Variants in STK24 observed in about 807,000 individuals in gnomAD.
STK24 encodes the protein serine/threonine kinase 24.
STK24 carries 21 observed loss-of-function variants against 55.6 expected under a neutral mutation model. The ratio of observed to expected loss-of-function variants is 0.38; its 90% CI spans 0.27 to 0.54. The LOEUF (loss-of-function observed/expected upper bound fraction) is 0.54. STK24 is among the 20% of genes least tolerant of loss of function. STK24 has a pLI of 0.79. For missense variants in STK24, 383 were observed against 538.4 expected, an observed-to-expected ratio of 0.71 and a Z score of 2.86; for synonymous variants, 200 against 215.2, an observed-to-expected ratio of 0.93 and a Z score of 0.62.
chr13:98,533,969 C>T lies in STK24; in HGVS notation c.43-14496G>A, dbSNP rs558224151. ...ACTCTCCTGGAGTCACACTCCTTCTCAGCACAAGTTAAACAAAGGCTCTGA... is the reference window on the plus strand; with the variant it reads ...ACTCTCCTGGAGTCACACTCCTTCTTAGCACAAGTTAAACAAAGGCTCTGA... On this transcript the variant is annotated intron_variant, in intron 1 of 10. Coordinates refer to ENST00000539966, the MANE Select transcript of STK24 (RefSeq NM_001032296.4). Among the ~76,000 whole-genome samples, 15 of 152,368 alleles carry T rather than the reference C, an allele frequency of 9.8e-5. 1 individual carries two copies. The highest frequency in any genetic ancestry group is 3.4e-4 in the African/African-American group (14 of 41,592).
In STK24 at chr13:98,500,538, T is replaced by A. The variant is rs150722495; in HGVS notation, c.274-18217A>T. Reference sequence around the variant, plus strand: ...CCTGCTAAACCTGATGCGTCCAAACTCATGAGACCAGGTGGCACCTACTAA... The same window carrying A: ...CCTGCTAAACCTGATGCGTCCAAACACATGAGACCAGGTGGCACCTACTAA... On this transcript the variant is annotated intron_variant, in intron 2 of 10. Transcript: ENST00000539966. 3.0e-3 allele frequency among the ~76,000 whole-genome samples: 460 copies of A among 152,180 alleles called. 2 individuals carry two copies. Among genetic ancestry groups the A allele is most frequent in the African/African-American group, 0.01 (424 of 41,474 alleles).
In STK24 at chr13:98,576,669, A is replaced by G. The variant is rs957596015; in HGVS notation, c.42+76T>C. The G allele has an allele frequency of 3.5e-5, 45 of 1,274,822 alleles. No homozygotes were observed. In the African/African-American group the frequency reaches 5.4e-4, roughly 15 times the overall value. 79.0% of individuals were successfully genotyped at this position (1,274,822 alleles called of 1,614,324 possible). A position where few individuals can be genotyped will look rare whatever the true frequency, so the allele number is the denominator to read the frequency against. ...ACCCCGGCCGGCTGAGCGTAGGGGG[A>G]CGCCGTGTGGATACCGCCAAGTTGC... On this transcript the variant is annotated intron_variant, in intron 1 of 10. Coordinates refer to ENST00000539966, the MANE Select transcript of STK24 (RefSeq NM_001032296.4).
At chr13:98,537,346 T>C (rs1341672330) in intron 1 of STK24, among the ~76,000 whole-genome samples, 2 of 152,200 alleles carry the variant, frequency 1.3e-5, no homozygotes, top group Non-Finnish European at 1.5e-5. Flanking sequence ...CGTTACCCTA[T>C]GGCCGCTGTG....
chr13:98,576,078 C>T, intron 1 of STK24: 2 of 984,784 alleles, frequency 2.0e-6, no homozygotes, highest in South Asian at 9.4e-5. Flanking sequence ...GGGCCGGGCC[C>T]GGGACCCTGG....
At chr13:98,464,152 TC>T (rs1893836640) in intron 6 of STK24, among the ~76,000 whole-genome samples, 2 of 152,166 alleles carry the variant, frequency 1.3e-5, no homozygotes, top group African/African-American at 4.8e-5. Context: ...GCGCAGTGGC[TC>T]ACGCCTGTAA....
At chr13:98,536,961 C>G (rs1422114157) in intron 1 of STK24, among the ~76,000 whole-genome samples, 1 of 151,826 alleles carries the variant, frequency 6.6e-6, no homozygotes, top group Non-Finnish European at 1.5e-5. Context: ...GTGCCCCCGA[C>G]ACTGGCCGGA....
chr13:98,536,211 G>A (rs140400758), intron 1 of STK24, among the ~76,000 whole-genome samples: 24 of 152,216 alleles, frequency 1.6e-4, no homozygotes, highest in South Asian at 4.2e-4. Flanking sequence ...AAGAGGGAAC[G>A]TGAGCAATCA....
At chr13:98,558,877 TCC>T (rs1897341102) in intron 1 of STK24, among the ~76,000 whole-genome samples, 1 of 151,530 alleles carries the variant, frequency 6.6e-6, no homozygotes, top group African/African-American at 2.4e-5. Flanking sequence ...TATTAATATA[TCC>T]CTAGGCTGGG....
intron 2 of STK24, among the ~76,000 whole-genome samples, chr13:98,516,121 TAC>T (rs1483967879): frequency 1.3e-5 from 2 of 152,216 alleles, no homozygotes; most frequent in Non-Finnish European, 2.9e-5. Flanking sequence ...GACACTCCAT[TAC>T]ACAAGAATGG....
intron 1 of STK24, among the ~76,000 whole-genome samples, chr13:98,548,733 G>A (rs1307887309): frequency 1.3e-5 from 2 of 151,752 alleles, no homozygotes; most frequent in Non-Finnish European, 1.5e-5. Flanking sequence ...ATGGTGGCAG[G>A]CACCTGTAAT....
chr13:98,549,824 T>TA (rs1897117531), intron 1 of STK24, among the ~76,000 whole-genome samples: 1 of 152,164 alleles, frequency 6.6e-6, no homozygotes, highest in Non-Finnish European at 1.5e-5. Flanking sequence ...CCTCATCAGC[T>TA]AATCACCTAA....
intron 2 of STK24, among the ~76,000 whole-genome samples, chr13:98,487,337 C>T (rs1412184837): frequency 6.6e-6 from 1 of 152,176 alleles, no homozygotes; most frequent in Non-Finnish European, 1.5e-5. Flanking sequence ...GTTTTTTCAA[C>T]AACCTCAAAT....
chr13:98,531,850 A>G (rs1239347555), intron 1 of STK24, among the ~76,000 whole-genome samples: 1 of 152,158 alleles, frequency 6.6e-6, no homozygotes, highest in South Asian at 2.1e-4. Context: ...CTGGAACTGC[A>G]TAGACGCAGG....
chr13:98,576,082 A>G, intron 1 of STK24: 5 of 981,486 alleles, frequency 5.1e-6, no homozygotes, highest in Non-Finnish European at 6.0e-6. Context: ...CGGGCCCGGG[A>G]CCCTGGTGCG....
chr13:98,551,015 G>A (rs994835518), intron 1 of STK24, among the ~76,000 whole-genome samples: 2 of 152,106 alleles, frequency 1.3e-5, no homozygotes, highest in African/African-American at 4.8e-5. Context: ...GGCCGGGCGT[G>A]GTGGCTCACG....
chr13:98,476,006 T>G (rs955826122), intron 3 of STK24, among the ~76,000 whole-genome samples: 4 of 151,876 alleles, frequency 2.6e-5, no homozygotes, highest in African/African-American at 9.7e-5. Context: ...CCTAATAGTT[T>G]GGGATTTGTT....
At chr13:98,458,186 T>G (rs969379526) in intron 9 of STK24, among the ~76,000 whole-genome samples, 5 of 152,188 alleles carry the variant, frequency 3.3e-5, no homozygotes, top group Non-Finnish European at 7.3e-5. Flanking sequence ...AACAGTGCCT[T>G]CAGACACTTC....
Position 98,451,917 on chromosome 13 carries a change from GGCAACCGCTACA to G in STK24, c.*1244_*1255del, listed in dbSNP as rs1893214895. 1 of 152,042 alleles carries G rather than the reference GGCAACCGCTACA, an allele frequency of 6.6e-6. No homozygotes were observed. The highest frequency in any genetic ancestry group is 2.1e-4 in the South Asian group (1 of 4,814). The allele number at this position is 152,042 out of a possible 1,614,324, so 9.4% of individuals were successfully genotyped here. A position where few individuals can be genotyped will look rare whatever the true frequency, so the allele number is the denominator to read the frequency against. The stretch of plus-strand genomic sequence containing the variant: ...AAGCAAAATAACTCTTAAGGTCCCC[GGCAACCGCTACA>G]GCAATCGCACAGATCAGCAACCTCC... On this transcript the variant is annotated 3_prime_UTR_variant, in exon 11 of 11. Coordinates refer to ENST00000539966, the MANE Select transcript of STK24 (RefSeq NM_001032296.4).
chr13:98,500,859 A>G (rs1895429809), intron 2 of STK24, among the ~76,000 whole-genome samples: 1 of 152,142 alleles, frequency 6.6e-6, no homozygotes, highest in Admixed American at 6.5e-5. Flanking sequence ...ACCCAGGAGA[A>G]CACTGGGATG....
Sources: gnomAD v4.1 joint callset for allele counts (sites outside exome capture counted in the v4.1 genomes callset) on GRCh38, gnomAD v4.1.1 for gene constraint, MANE v1.5 for transcripts, NCBI Gene and HGNC (gene_info 2026-07-23, HGNC 2026-07-21) for gene names.